The following MYLK variants were observed in gnomAD, a reference collection of about 807,000 sequenced individuals.
MYLK encodes myosin light chain kinase, also known as myosin light chain kinase, smooth muscle.
MYLK carries 106 observed loss-of-function variants against 203.4 expected under a neutral mutation model. The ratio of observed to expected loss-of-function variants is 0.52; its 90% CI spans 0.45 to 0.61. The LOEUF (loss-of-function observed/expected upper bound fraction) is 0.61. MYLK is among the 20% of genes least tolerant of loss of function. The probability of loss-of-function intolerance (pLI) is 0.00; values close to 1 mark genes in which losing one functional copy is unlikely to be tolerated. For missense variants in MYLK, 2,072 were observed against 2,442.3 expected (o/e 0.85, Z 3.20); for synonymous variants, 867 against 959.5 (o/e 0.90, Z 1.78).
intron 3 of MYLK, among the ~76,000 whole-genome samples, chr3:123,817,954 T>A (rs2065802739): frequency 6.6e-6 from 1 of 152,106 alleles, no homozygotes; most frequent in South Asian, 2.1e-4. Context: ...TCAGCTCTCT[T>A]AGGAAAGGTC....
chr3:123,692,464 G>T, intron 19 of MYLK: 1 of 1,177,232 alleles, frequency 8.5e-7, no homozygotes, highest in Non-Finnish European at 1.1e-6. Context: ...CAGCTCAGAA[G>T]GTTCTGGGTG....
chr3:123,861,200 G>C (rs1263549513), intron 2 of MYLK, among the ~76,000 whole-genome samples: 1 of 151,488 alleles, frequency 6.6e-6, no homozygotes, highest in East Asian at 1.9e-4. Flanking sequence ...GATCATGAAA[G>C]AAAATGTCAA....
At chr3:123,876,042 C>G (rs2033131909) in intron 2 of MYLK, among the ~76,000 whole-genome samples, 1 of 152,082 alleles carries the variant, frequency 6.6e-6, no homozygotes, top group Non-Finnish European at 1.5e-5. Flanking sequence ...TCTGTCAATC[C>G]TAAAGGTGCC....
chr3:123,813,865 C>G (rs903615696), intron 3 of MYLK, among the ~76,000 whole-genome samples: 1 of 152,154 alleles, frequency 6.6e-6, no homozygotes, highest in African/African-American at 2.4e-5. Context: ...GTCATCAACC[C>G]AGAATGTCCT....
chr3:123,732,874 T>G (rs765341261), intron 11 of MYLK, 22 bp downstream of exon 11: 1 of 1,609,526 alleles, frequency 6.2e-7, no homozygotes, highest in African/African-American at 1.3e-5. Flanking sequence ...GAATGCGGGG[T>G]GACCTGGAGA....
intron 24 of MYLK, among the ~76,000 whole-genome samples, chr3:123,653,986 T>TTGTGTGTGTGTGTG (rs752791805): frequency 4.4e-4 from 60 of 137,756 alleles, no homozygotes; most frequent in Middle Eastern, 3.7e-3. Context: ...CAGAGGGATG[T>TTGTGTGTGTGTGTG]TGTGTGTGTG....
intron 3 of MYLK, among the ~76,000 whole-genome samples, chr3:123,806,307 T>C (rs1422876471): frequency 6.6e-6 from 1 of 152,184 alleles, no homozygotes; most frequent in African/African-American, 2.4e-5. Flanking sequence ...TGGACCACTG[T>C]ATCTTCAAAG....
chr3:123,762,862 CTTCT>C (rs2063578911), intron 4 of MYLK, among the ~76,000 whole-genome samples: 2 of 152,182 alleles, frequency 1.3e-5, no homozygotes, highest in Non-Finnish European at 2.9e-5. Context: ...GACTTCTCAG[CTTCT>C]AGGGCTGTAA....
chr3:123,641,381 C>G (rs960670044), intron 27 of MYLK, among the ~76,000 whole-genome samples: 1 of 152,206 alleles, frequency 6.6e-6, no homozygotes, highest in Admixed American at 6.5e-5. Flanking sequence ...AAGCATCTCT[C>G]TGGTAACTTA....
intron 16 of MYLK, among the ~76,000 whole-genome samples, chr3:123,703,236 G>A (rs2061321037): frequency 1.3e-5 from 2 of 152,208 alleles, no homozygotes; most frequent in South Asian, 4.1e-4. Flanking sequence ...CAGGGGCTCT[G>A]GGGCGCTGCT....
At chr3:123,776,039 G>A (rs557629358) in intron 4 of MYLK, among the ~76,000 whole-genome samples, 1 of 152,278 alleles carries the variant, frequency 6.6e-6, no homozygotes, top group Non-Finnish European at 1.5e-5. Flanking sequence ...CGCCATTACC[G>A]GTCTCAGCTC....
At chr3:123,813,252 T>A (rs1330399286) in intron 3 of MYLK, among the ~76,000 whole-genome samples, 1 of 152,238 alleles carries the variant, frequency 6.6e-6, no homozygotes, top group Admixed American at 6.5e-5. Flanking sequence ...TACCCTTACT[T>A]AAGCTTCTGC....
chr3:123,849,238 T>G (rs933968756), intron 2 of MYLK, among the ~76,000 whole-genome samples: 1 of 152,286 alleles, frequency 6.6e-6, no homozygotes, highest in South Asian at 2.1e-4. Context: ...CCTCCTAAAG[T>G]GCTTGGATTA....
rs775412425 is a variant in MYLK at position 123,726,013 on chromosome 3, C to G, written c.1582G>C (p.Gly528Arg). ...GAGCACTGCAGCACAAAATCCTGGC[C>G]CTCAATAACAGCGCAGTCCTTCAGG... is the stretch of plus-strand genomic sequence containing the variant. The part of the protein sequence containing the change: ...SVLKDCAVIE[G>R]QDFVLQCSVR... Residue 528 changes from glycine (G) to arginine (R), a missense_variant, in exon 12 of 34, where the codon GGC becomes CGC. This residue lies in a region of MYLK where 865 missense variants were observed against 1,016.0 expected (regional missense o/e 0.85). Transcript: ENST00000360304. The G allele has an allele frequency of 4.3e-6, 7 of 1,614,202 alleles. No individual in the cohort carries two copies. The highest frequency in any genetic ancestry group is 5.9e-6 in the Non-Finnish European group (7 of 1,180,034).
At chr3:123,748,677 T>A (rs865825630) in intron 5 of MYLK, among the ~76,000 whole-genome samples, 55 of 152,338 alleles carry the variant, frequency 3.6e-4, no homozygotes, top group Middle Eastern at 6.8e-3. Context: ...AATAAGTATT[T>A]TATTAAAATG....
At chr3:123,761,144 A>T (rs1047372094) in intron 4 of MYLK, among the ~76,000 whole-genome samples, 2 of 152,204 alleles carry the variant, frequency 1.3e-5, no homozygotes, top group Non-Finnish European at 2.9e-5. Context: ...CTCCCCAAAC[A>T]ACACAGAGAC....
chr3:123,673,164 T>TC (rs1553790992), intron 20 of MYLK, among the ~76,000 whole-genome samples: 2 of 134,310 alleles, frequency 1.5e-5, no homozygotes, highest in African/African-American at 5.3e-5. Context: ...TTCTTTTCTT[T>TC]TTTTTTTTTT....
chr3:123,759,201 C>T (rs903688022), intron 4 of MYLK, among the ~76,000 whole-genome samples: 1 of 152,176 alleles, frequency 6.6e-6, no homozygotes, highest in Admixed American at 6.5e-5. Context: ...GCATTGTTTT[C>T]ATAGCAAAAC....
At chr3:123,837,216 GAC>G (rs2066493622) in intron 2 of MYLK, among the ~76,000 whole-genome samples, 1 of 151,936 alleles carries the variant, frequency 6.6e-6, no homozygotes, top group South Asian at 2.1e-4. Flanking sequence ...ACTTTTAGTA[GAC>G]ACAGGGTTTT....
Sources: gnomAD v4.1 joint callset for allele counts (sites outside exome capture counted in the v4.1 genomes callset) on GRCh38, gnomAD v4.1.1 for gene constraint, gnomAD v4.1.1 regional missense constraint, MANE v1.5 for transcripts, NCBI Gene and HGNC (gene_info 2026-07-23, HGNC 2026-07-21) for gene names.